Variants in DCC observed in about 807,000 individuals in gnomAD.
DCC encodes DCC netrin 1 receptor.
DCC carries 58 observed loss-of-function variants against 172.5 expected under a neutral mutation model. The observed-to-expected ratio is 0.34, with a 90% CI of 0.27 to 0.42. The LOEUF (loss-of-function observed/expected upper bound fraction) is 0.42. Among genes scored for constraint, DCC ranks in the 10% least tolerant of loss-of-function variants. The pLI is 1.00. For missense variants in DCC, 1,740 were observed against 1,791.0 expected (o/e 0.97, Z 0.51); for synonymous variants, 709 against 644.5 (o/e 1.10, Z -1.52).
At position 53,382,069 on chromosome 18, in the gene DCC, AACAC is replaced by A. The variant is rs61553123; in HGVS notation, c.2360-3941_2360-3938del. Among the ~76,000 whole-genome samples, 338 of 122,924 alleles carry A rather than the reference AACAC, an allele frequency of 2.7e-3. 1 individual carries two copies. Among genetic ancestry groups the A allele is most frequent in the South Asian group, 0.015 (58 of 3,914 alleles). The allele number at this position is 122,924 out of a possible 152,430, so 80.6% of individuals were successfully genotyped here. On this transcript the variant is annotated intron_variant, in intron 15 of 28. Coordinates refer to ENST00000442544, the MANE Select transcript of DCC (RefSeq NM_005215.4). ...TTTCTCTCTCTCTCTGATTAAAAAC[AACAC>A]ACACACACACACACACACACACACA...
chr18:53,123,398 C>T (rs2043511363), intron 7 of DCC, among the ~76,000 whole-genome samples: 1 of 151,912 alleles, frequency 6.6e-6, no homozygotes, highest in South Asian at 2.1e-4. Flanking sequence ...GGTTTTGGGG[C>T]TAGATCAGTG....
At chr18:52,939,070 A>G (rs2040423489) in intron 5 of DCC, among the ~76,000 whole-genome samples, 1 of 152,160 alleles carries the variant, frequency 6.6e-6, no homozygotes, top group African/African-American at 2.4e-5. Context: ...TCTCTATCAC[A>G]TCCTACAAAC....
intron 12 of DCC, among the ~76,000 whole-genome samples, chr18:53,253,647 T>A (rs571195015): frequency 1.3e-5 from 2 of 152,176 alleles, no homozygotes; most frequent in African/African-American, 4.8e-5. Flanking sequence ...ATTCTGTCAA[T>A]TATGTCATAT....
rs571880165 is a variant in DCC, at chr18:53,114,836, G to A, written c.1262-42520G>A. On this transcript the variant is annotated intron_variant, in intron 7 of 28. Transcript: ENST00000442544. ...CAAATTTATAAAAATAAGCCAGTTC[G>A]TTTATTTGGGGACAAATGGAATACA... is the stretch of plus-strand genomic sequence containing the variant. Among the ~76,000 whole-genome samples, 324 of 151,584 alleles carry A rather than the reference G, an allele frequency of 2.1e-3. 1 individual carries two copies. The highest frequency in any genetic ancestry group is 0.014 in the Middle Eastern group (4 of 294).
intron 1 of DCC, among the ~76,000 whole-genome samples, chr18:52,721,972 C>T (rs969306586): frequency 2.6e-5 from 4 of 152,086 alleles, no homozygotes; most frequent in East Asian, 3.9e-4. Context: ...TGCAGTGAGC[C>T]GAGATTGCAT....
chr18:52,899,579 T>A (rs542426597), intron 2 of DCC, among the ~76,000 whole-genome samples: 22 of 152,112 alleles, frequency 1.4e-4, no homozygotes, highest in African/African-American at 5.3e-4. Context: ...GGTCTCGAAC[T>A]CCGGAACTCA....
intron 2 of DCC, among the ~76,000 whole-genome samples, chr18:52,891,007 A>G (rs1275278949): frequency 6.6e-6 from 1 of 152,132 alleles, no homozygotes; most frequent in Admixed American, 6.6e-5. Flanking sequence ...AGTTCTATCT[A>G]CAAAACCAAT....
chr18:52,928,683 C>T (rs1568193312), intron 5 of DCC, among the ~76,000 whole-genome samples: 1 of 152,098 alleles, frequency 6.6e-6, no homozygotes, highest in Non-Finnish European at 1.5e-5. Context: ...GTGGGAAGTA[C>T]GTAGGTCGAG....
At chr18:52,802,316 G>A (rs1425602655) in intron 2 of DCC, among the ~76,000 whole-genome samples, 1 of 151,878 alleles carries the variant, frequency 6.6e-6, no homozygotes, top group Non-Finnish European at 1.5e-5. Context: ...GAGAGTTTTG[G>A]AATCAAGATT....
At chr18:53,056,993 C>A (rs1217393325) in intron 5 of DCC, among the ~76,000 whole-genome samples, 1 of 142,636 alleles carries the variant, frequency 7.0e-6, no homozygotes, top group East Asian at 2.1e-4. Flanking sequence ...ATATATATTA[C>A]AGTGATATTT....
intron 1 of DCC, among the ~76,000 whole-genome samples, chr18:52,353,872 A>G (rs1443568): frequency 0.57 from 87,223 of 151,968 alleles, 25,245 homozygotes; most frequent in East Asian, 0.64. Flanking sequence ...AAATGAGTAG[A>G]GCTTTTGTGA....
intron 10 of DCC, among the ~76,000 whole-genome samples, chr18:53,206,335 A>G (rs140347577): frequency 0.011 from 571 of 52,096 alleles, 7 homozygotes; most frequent in East Asian, 0.026. Flanking sequence ...TGTAACACAT[A>G]TATGTATATA....
Position 53,097,542 on chromosome 18 carries a change from G to A in DCC, c.1261+31376G>A, listed in dbSNP as rs79097050. ...TAGCAATAAATTAGACCAGATTGAA[G>A]CATACATATTTGATTTTCATACATC... On this transcript the variant is annotated intron_variant, in intron 7 of 28. Transcript: ENST00000442544. 1.1e-3 allele frequency among the ~76,000 whole-genome samples: 174 copies of A among 152,260 alleles called. 1 individual carries two copies. Among genetic ancestry groups the A allele is most frequent in the Non-Finnish European group, 2.3e-3 (157 of 68,016 alleles).
intron 1 of DCC, among the ~76,000 whole-genome samples, chr18:52,643,388 A>G (rs1176141570): frequency 6.6e-6 from 1 of 152,200 alleles, no homozygotes; most frequent in African/African-American, 2.4e-5. Flanking sequence ...TTGAGAAAAG[A>G]TGGGTTGAAG....
intron 1 of DCC, among the ~76,000 whole-genome samples, chr18:52,539,854 G>A (rs1221108661): frequency 6.6e-6 from 1 of 151,938 alleles, no homozygotes; most frequent in Non-Finnish European, 1.5e-5. Flanking sequence ...TGTTATACAT[G>A]ATAAATATGT....
At chr18:53,064,555 C>T (rs1183043743) in intron 6 of DCC, among the ~76,000 whole-genome samples, 4 of 152,114 alleles carry the variant, frequency 2.6e-5, no homozygotes, top group Non-Finnish European at 5.9e-5. Flanking sequence ...AGTGCCTCTT[C>T]CACAATCAGT....
At chr18:52,353,154 T>G (rs962728129) in intron 1 of DCC, among the ~76,000 whole-genome samples, 2 of 152,120 alleles carry the variant, frequency 1.3e-5, no homozygotes, top group Admixed American at 6.5e-5. Context: ...AGTCTTCTGG[T>G]TTGTGGTTTA....
At chr18:52,588,224 G>A (rs773841530) in intron 1 of DCC, among the ~76,000 whole-genome samples, 1 of 152,122 alleles carries the variant, frequency 6.6e-6, no homozygotes, top group African/African-American at 2.4e-5. Context: ...TCACCTATAG[G>A]GTCCTGCCAA....
At chr18:52,676,532 G>A (rs2035649605) in intron 1 of DCC, among the ~76,000 whole-genome samples, 1 of 152,150 alleles carries the variant, frequency 6.6e-6, no homozygotes, top group Non-Finnish European at 1.5e-5. Context: ...TAGCTCCTAA[G>A]ATATGAGGTT....
Sources: gnomAD v4.1 joint callset for allele counts (sites outside exome capture counted in the v4.1 genomes callset) on GRCh38, gnomAD v4.1.1 for gene constraint, MANE v1.5 for transcripts, NCBI Gene and HGNC (gene_info 2026-07-23, HGNC 2026-07-21) for gene names.